Variants in UBA5 observed in about 807,000 individuals in gnomAD.
UBA5 encodes ubiquitin-like modifier-activating enzyme 5.
UBA5 carries 28 observed loss-of-function variants against 52.9 expected under a neutral mutation model. The observed-to-expected ratio is 0.53, with a 90% CI of 0.39 to 0.73. UBA5 has a LOEUF of 0.73. Ranked by LOEUF, UBA5 falls within the 30% of genes least tolerant of loss-of-function variation. The pLI is 0.00. For synonymous variants in UBA5, 135 were observed against 162.1 expected, an observed-to-expected ratio of 0.83 and a Z score of 1.27; for missense variants, 388 against 492.7, an observed-to-expected ratio of 0.79 and a Z score of 2.01.
intron 8 of UBA5, among the ~76,000 whole-genome samples, chr3:132,673,522 A>AT (rs1310537809): frequency 6.6e-6 from 1 of 151,466 alleles, no homozygotes; most frequent in Admixed American, 6.6e-5. Context: ...TAATTTTTGT[A>AT]TTTTTTGTAG....
In UBA5 at chr3:132,678,351, C is replaced by T. The variant is rs143866287; in HGVS notation, c.*1825C>T. ...AGGCAGCTGATTACGAAAAATTAAT[C>T]ATCATTGAATTTAGTATTACTAAAC... is the stretch of plus-strand genomic sequence containing the variant. On this transcript the variant is annotated 3_prime_UTR_variant, in exon 12 of 12. Transcript: ENST00000356232. Among the ~76,000 whole-genome samples, 183 of 152,258 alleles carry T rather than the reference C, an allele frequency of 1.2e-3. 1 individual carries two copies. The highest frequency in any genetic ancestry group is 3.8e-3 in the African/African-American group (157 of 41,550).
At position 132,676,588 on chromosome 3, in the gene UBA5, A is replaced by C. The variant is rs1406990443; in HGVS notation, c.*62A>C. The C allele has an allele frequency of 1.2e-5, 15 of 1,245,688 alleles. No individual in the cohort carries two copies. The highest frequency in any genetic ancestry group is 1.6e-5 in the Non-Finnish European group (14 of 876,284). The allele number at this position is 1,245,688 out of a possible 1,614,324, so 77.2% of individuals were successfully genotyped here. On this transcript the variant is annotated 3_prime_UTR_variant, in exon 12 of 12. Transcript: ENST00000356232. This position sits in a 1 kb window ranked among gnomAD's most constrained non-coding sequence, Gnocchi z 4.1. ...AGCCTCTTCCCTTGAAATTAAAAAA[A>C]AATTTTAACTGATAAAACTTAGGGC...
Position 132,660,693 on chromosome 3 carries a change from C to G in UBA5, c.156C>G (p.Pro52=). 1 of 1,555,778 alleles carries G rather than the reference C, an allele frequency of 6.4e-7. No homozygotes were observed. Among genetic ancestry groups the G allele is most frequent in the Non-Finnish European group, 8.7e-7 (1 of 1,147,598 alleles). Reference sequence around the variant, plus strand: ...GCTCAGAGGTGGTGGATTCGAATCCCTACAGGTAACCTGCGTCGCCGGTCG... The same window carrying G: ...GCTCAGAGGTGGTGGATTCGAATCCGTACAGGTAACCTGCGTCGCCGGTCG... ...KMSSEVVDSN[P]YSRLMALKRM... The change falls in exon 1 of 12, where the codon CCC becomes CCG. Residue 52 remains proline (P), a synonymous_variant. Transcript: ENST00000356232. The surrounding 1 kb of genome is among the most constrained non-coding windows in gnomAD (Gnocchi z 4.1).
At chr3:132,668,715 T>C in intron 3 of UBA5, 103 bp from the exon 4 acceptor site, 1 of 702,322 alleles carries the variant, frequency 1.4e-6, no homozygotes, top group Non-Finnish European at 2.3e-6. Context: ...AATATTATTA[T>C]CAAACTGCTA....
chr3:132,670,814 TATATG>T lies in UBA5; in HGVS notation c.495-146_495-142del, dbSNP rs1322213539. 2.1e-5 allele frequency: 10 copies of T among 475,136 alleles called. No individual in the cohort carries two copies. In the Admixed American group the frequency reaches 2.2e-4, roughly 10 times the overall value. 29.4% of individuals were successfully genotyped at this position (475,136 alleles called of 1,614,324 possible). On this transcript the variant is annotated intron_variant, in intron 5 of 11. Transcript: ENST00000356232. ...TTCATAAGTTACTCAATACTTGATA[TATATG>T]ATATCTTTAATATTACATATTTATT...
chr3:132,654,641 T>C (rs946022897), exon 1 of UBA5: 3 of 152,234 alleles, frequency 2.0e-5, no homozygotes, highest in South Asian at 4.1e-4. Flanking sequence ...TGGTAAGCCC[T>C]CTGGGAAAAG....
At position 132,677,838 on chromosome 3, in the gene UBA5, G is replaced by A. The variant is rs887391242; in HGVS notation, c.*1312G>A. 2 of 152,158 alleles carry A rather than the reference G, an allele frequency of 1.3e-5. No individual in the cohort carries two copies. The highest frequency in any genetic ancestry group is 2.9e-5 in the Non-Finnish European group (2 of 68,014). 9.4% of individuals were successfully genotyped at this position (152,158 alleles called of 1,614,324 possible). A position where few individuals can be genotyped will look rare whatever the true frequency, so the allele number is the denominator to read the frequency against. On this transcript the variant is annotated 3_prime_UTR_variant, in exon 12 of 12. Transcript: ENST00000356232. ...AGTTTTGAGATGCTAGGATTATACT[G>A]TGATTCTTATGTTTATAGTAAAGTC...
chr3:132,668,614 C>T (rs1260798501), intron 3 of UBA5: 4 of 353,280 alleles, frequency 1.1e-5, no homozygotes, highest in Non-Finnish European at 5.1e-6. Flanking sequence ...TTGTAGTTGC[C>T]TCATTTTAAA....
intron 11 of UBA5, 53 bp downstream of exon 11, chr3:132,675,976 C>A: frequency 8.7e-7 from 1 of 1,151,898 alleles, no homozygotes; most frequent in Non-Finnish European, 1.2e-6. Context: ...AAATATTTAT[C>A]ATCTTCATTC....
intron 9 of UBA5, 100 bp from the exon 10 acceptor site, chr3:132,675,505 C>T (rs1440661973): frequency 6.6e-7 from 1 of 1,516,592 alleles, no homozygotes; most frequent in African/African-American, 1.4e-5. Flanking sequence ...AATGTTCTTT[C>T]TTGCTTTTGG....
chr3:132,674,384 A>G (rs1054530578), intron 8 of UBA5, among the ~76,000 whole-genome samples: 1 of 152,180 alleles, frequency 6.6e-6, no homozygotes, highest in Non-Finnish European at 1.5e-5. Context: ...TTTTGCGCCA[A>G]CCTAATAAAA....
At chr3:132,673,611 G>T (rs1052323606) in intron 8 of UBA5, among the ~76,000 whole-genome samples, 3 of 151,618 alleles carry the variant, frequency 2.0e-5, no homozygotes, top group African/African-American at 7.3e-5. Flanking sequence ...GCCTCCCAAA[G>T]TGTTGGGATT....
intron 3 of UBA5, 72 bp downstream of exon 3, chr3:132,666,145 AT>A (rs199595267): frequency 5.8e-6 from 8 of 1,371,394 alleles, no homozygotes; most frequent in South Asian, 1.2e-5. Context: ...ACAAGTTAGG[AT>A]TTTTTTTCTT....
At chr3:132,659,138 G>A (rs867100550), upstream of UBA5, among the ~76,000 whole-genome samples, 1 of 152,292 alleles carries the variant, frequency 6.6e-6, no homozygotes, top group Admixed American at 6.5e-5. Context: ...GCCCAAAGTG[G>A]TGCTGTGACC....
At chr3:132,660,195 A>G (rs2107920923), upstream of UBA5, 2 of 419,724 alleles carry the variant, frequency 4.8e-6, no homozygotes, top group Non-Finnish European at 8.5e-6. The surrounding 1 kb of genome is among the most constrained non-coding windows in gnomAD (Gnocchi z 4.1). Flanking sequence ...ATACCCGGTT[A>G]GCAAGGCAAC....
At position 132,675,304 on chromosome 3, in the gene UBA5, A is replaced by T. The variant is rs774141219; in HGVS notation, c.869A>T (p.Asp290Val). Residue 290 changes from aspartate to valine, a missense_variant, in exon 9 of 12, where the codon GAT becomes GTT. By Grantham distance (152) the Asp-to-Val change is radical. Around this residue, in one of 3 missense-constraint regions of UBA5, gnomAD observed 277 missense variants for 326.4 expected, o/e 0.85. Transcript: ENST00000356232. The part of the protein sequence containing the change: ...SFYLGYNAMQ[D>V]FFPTMSMKPN... ...TACCTTGGATACAATGCAATGCAGG[A>T]TTTTTTTCCTACTATGTCCATGAAG... 1 of 1,613,430 alleles carries T rather than the reference A, an allele frequency of 6.2e-7. No individual in the cohort carries two copies. Among genetic ancestry groups the T allele is most frequent in the Non-Finnish European group, 8.5e-7 (1 of 1,179,634 alleles).
chr3:132,675,095 G>A (rs1220233525), intron 8 of UBA5, among the ~76,000 whole-genome samples, 153 bp from the exon 9 acceptor site: 1 of 151,924 alleles, frequency 6.6e-6, no homozygotes, highest in Non-Finnish European at 1.5e-5. Flanking sequence ...CTGTAAATAA[G>A]ATAAAATTTC....
chr3:132,673,321 A>G (rs993869109), intron 8 of UBA5, among the ~76,000 whole-genome samples: 2 of 152,038 alleles, frequency 1.3e-5, no homozygotes, highest in Non-Finnish European at 2.9e-5. Flanking sequence ...CATCTTGTAT[A>G]TATCTTTGAA....
At chr3:132,659,844 G>A (rs79473310), upstream of UBA5, 10,684 of 1,442,882 alleles carry the variant, frequency 7.4e-3, 640 homozygotes, top group African/African-American at 0.13. Context: ...TAGAGCATGG[G>A]CCGAGGCCGG....
Sources: allele counts gnomAD v4.1 joint callset (sites outside exome capture counted in the v4.1 genomes callset), GRCh38; gene constraint gnomAD v4.1.1; regional missense constraint gnomAD v4.1.1; non-coding constraint Gnocchi (gnomAD v3.1); transcripts MANE v1.5; gene names NCBI Gene and HGNC (gene_info 2026-07-23, HGNC 2026-07-21).